RGS6: variants seen among roughly 807,000 people sequenced by gnomAD.
RGS6 encodes the protein regulator of G protein signaling 6.
Under a neutral mutation model 78.5 loss-of-function variants are expected in RGS6, and 30 were observed. That is an observed-to-expected ratio of 0.38 (90% CI 0.29 to 0.52). The LOEUF (loss-of-function observed/expected upper bound fraction) is 0.52, where lower values mean the gene tolerates loss of function less well. Ranked by LOEUF, RGS6 falls within the 20% of genes least tolerant of loss-of-function variation. The pLI is 0.85. For synonymous variants in RGS6, 206 were observed against 206.0 expected (o/e 1.00, Z 0.00); for missense variants, 495 against 609.7 (o/e 0.81, Z 1.98).
intron 2 of RGS6, among the ~76,000 whole-genome samples, chr14:72,231,587 G>T (rs1036442455): frequency 2.0e-5 from 3 of 152,188 alleles, no homozygotes; most frequent in Non-Finnish European, 4.4e-5. Context: ...AGGTCCAGTG[G>T]TAAGCGTGTT....
At position 72,202,720 on chromosome 14, in the gene RGS6, C is replaced by A. The variant is rs562323613; in HGVS notation, c.85-149375C>A. 4.6e-5 allele frequency among the ~76,000 whole-genome samples: 7 copies of A among 151,980 alleles called. No individual in the cohort carries two copies. In the South Asian group the frequency reaches 6.2e-4, roughly 14 times the overall value. On this transcript the variant is annotated intron_variant, in intron 2 of 17. Coordinates refer to ENST00000553525, the MANE Select transcript of RGS6 (RefSeq NM_001204424.2). ...CTCTACAAGGACTGGAGATGCAAACCCTTGGAGGGGAGGGTCCTGGGGAGG... is the reference window on the plus strand; with the variant it reads ...CTCTACAAGGACTGGAGATGCAAACACTTGGAGGGGAGGGTCCTGGGGAGG...
chr14:72,165,018 C>T (rs2096905301), intron 2 of RGS6, among the ~76,000 whole-genome samples: 1 of 152,154 alleles, frequency 6.6e-6, no homozygotes, highest in Non-Finnish European at 1.5e-5. Flanking sequence ...AAGGTTGGAG[C>T]TCATGAAAGG....
intron 2 of RGS6, among the ~76,000 whole-genome samples, chr14:72,344,354 G>A (rs1301307712): frequency 2.6e-5 from 4 of 152,154 alleles, no homozygotes; most frequent in African/African-American, 7.2e-5. Context: ...GAACGTTGGG[G>A]AACTGGCTCC....
At chr14:72,170,358 G>A (rs77757729) in intron 2 of RGS6, among the ~76,000 whole-genome samples, 2,652 of 152,248 alleles carry the variant, frequency 0.017, 31 homozygotes, top group Non-Finnish European at 0.027. Flanking sequence ...GCAAACTTGC[G>A]TTCACCCTAT....
intron 2 of RGS6, among the ~76,000 whole-genome samples, chr14:72,018,537 G>A (rs916406239): frequency 2.6e-5 from 4 of 152,290 alleles, no homozygotes; most frequent in African/African-American, 7.2e-5. Context: ...AATTTGTACC[G>A]CCAAAATGTT....
At chr14:72,087,217 G>A (rs1469778448) in intron 2 of RGS6, among the ~76,000 whole-genome samples, 1 of 152,088 alleles carries the variant, frequency 6.6e-6, no homozygotes, top group East Asian at 1.9e-4. Flanking sequence ...TGCAACTTCT[G>A]CCTCCTGGGT....
chr14:72,180,728 G>A (rs551229331), intron 2 of RGS6, among the ~76,000 whole-genome samples: 1 of 152,328 alleles, frequency 6.6e-6, no homozygotes, highest in African/African-American at 2.4e-5. Context: ...GGGGCCCTTG[G>A]GAGGTGATTG....
chr14:72,258,221 A>G (rs1414031069), intron 2 of RGS6, among the ~76,000 whole-genome samples: 1 of 152,218 alleles, frequency 6.6e-6, no homozygotes, highest in African/African-American at 2.4e-5. Context: ...AGGACATGCT[A>G]TGGTATACAC....
intron 2 of RGS6, among the ~76,000 whole-genome samples, chr14:72,211,681 G>C (rs892571488): frequency 3.3e-5 from 5 of 152,130 alleles, no homozygotes; most frequent in African/African-American, 1.2e-4. Flanking sequence ...CCAAACGTAA[G>C]AATCATCTTA....
chr14:72,310,737 A>G (rs1464118340), intron 2 of RGS6, among the ~76,000 whole-genome samples: 1 of 152,122 alleles, frequency 6.6e-6, no homozygotes, highest in Non-Finnish European at 1.5e-5. Flanking sequence ...ACTTACACAC[A>G]TGGAGCTCCT....
chr14:72,439,482 T>C (rs1345472401), intron 3 of RGS6, among the ~76,000 whole-genome samples: 1 of 152,262 alleles, frequency 6.6e-6, no homozygotes, highest in Non-Finnish European at 1.5e-5. Flanking sequence ...AGTATCAGTG[T>C]AGATTGCAGT....
intron 2 of RGS6, among the ~76,000 whole-genome samples, chr14:72,251,971 T>C (rs1361188986): frequency 6.6e-6 from 1 of 152,256 alleles, no homozygotes; most frequent in African/African-American, 2.4e-5. Flanking sequence ...GTTGAAGGTG[T>C]AGAGAACTAA....
intron 2 of RGS6, among the ~76,000 whole-genome samples, chr14:71,996,463 A>G (rs1595847768): frequency 1.3e-5 from 2 of 152,206 alleles, no homozygotes; most frequent in East Asian, 3.9e-4. Context: ...TATGAGAAAC[A>G]GTGGGTGGAG....
At chr14:72,432,254 A>G (rs549035354) in intron 3 of RGS6, among the ~76,000 whole-genome samples, 39 of 152,286 alleles carry the variant, frequency 2.6e-4, no homozygotes, top group African/African-American at 8.4e-4. Context: ...GTCCTGGGCT[A>G]TGTTGATGGG....
At chr14:72,083,344 A>T (rs142825431) in intron 2 of RGS6, among the ~76,000 whole-genome samples, 1 of 152,164 alleles carries the variant, frequency 6.6e-6, no homozygotes, top group Non-Finnish European at 1.5e-5. Flanking sequence ...TACTACTGGT[A>T]TCTAGTGGGT....
upstream of RGS6, chr14:71,932,387 C>G (rs906359720): frequency 4.6e-5 from 7 of 151,528 alleles, no homozygotes; most frequent in East Asian, 1.2e-3. Flanking sequence ...GCTCGGCATC[C>G]GACAGCGGGC....
intron 2 of RGS6, among the ~76,000 whole-genome samples, chr14:72,201,955 A>G (rs900572206): frequency 6.6e-6 from 1 of 152,248 alleles, no homozygotes; most frequent in African/African-American, 2.4e-5. Context: ...CTGAACACCC[A>G]TAAAAAGTAA....
chr14:72,209,537 G>T (rs1161265737), intron 2 of RGS6, among the ~76,000 whole-genome samples: 1 of 152,126 alleles, frequency 6.6e-6, no homozygotes, highest in African/African-American at 2.4e-5. Flanking sequence ...AATTAGCTGG[G>T]GGATGTGACA....
In RGS6 at chr14:72,003,300, G is replaced by T. The variant is rs115974586; in HGVS notation, c.84+38425G>T. 7.9e-3 allele frequency among the ~76,000 whole-genome samples: 1,201 copies of T among 152,258 alleles called. 19 individuals carry two copies. The highest frequency in any genetic ancestry group is 0.027 in the African/African-American group (1,141 of 41,536). On this transcript the variant is annotated intron_variant, in intron 2 of 17. Coordinates refer to ENST00000553525, the MANE Select transcript of RGS6 (RefSeq NM_001204424.2). The stretch of plus-strand genomic sequence containing the variant: ...ACCCATGCAAAATTTACCATTCGAC[G>T]TTGTTGGTATATTATTACTTTGTAA...
Sources: allele counts gnomAD v4.1 joint callset (sites outside exome capture counted in the v4.1 genomes callset), GRCh38; gene constraint gnomAD v4.1.1; transcripts MANE v1.5; gene names NCBI Gene and HGNC (gene_info 2026-07-23, HGNC 2026-07-21).